RARB: variants seen among roughly 807,000 people sequenced by gnomAD.
The protein encoded by RARB is retinoic acid receptor beta, also known as HBV-activated protein.
RARB carries 17 observed loss-of-function variants against 51.9 expected under a neutral mutation model. The observed-to-expected ratio is 0.33, with a 90% CI of 0.22 to 0.49. RARB has a LOEUF of 0.49. Ranked by LOEUF, RARB falls within the 20% of genes least tolerant of loss-of-function variation. RARB has a pLI of 0.99. For synonymous variants in RARB, 215 were observed against 195.4 expected (o/e 1.10, Z -0.84); for missense variants, 369 against 550.8 (o/e 0.67, Z 3.30).
chr3:24,930,476 C>T (rs958579166), intron 2 of RARB, among the ~76,000 whole-genome samples: 1 of 152,088 alleles, frequency 6.6e-6, no homozygotes, highest in African/African-American at 2.4e-5. Flanking sequence ...GAAAGCCATT[C>T]AATAGGGCTT....
chr3:25,239,727 A>T (rs190572794), intron 5 of RARB, among the ~76,000 whole-genome samples: 6 of 152,200 alleles, frequency 3.9e-5, no homozygotes, highest in African/African-American at 1.4e-4. Context: ...TTCGAAATCT[A>T]ATAGTGTGAT....
intron 2 of RARB, among the ~76,000 whole-genome samples, chr3:25,031,708 G>A (rs967633474): frequency 6.6e-6 from 1 of 152,136 alleles, no homozygotes; most frequent in Non-Finnish European, 1.5e-5. Flanking sequence ...GGAGTTGCAT[G>A]TTTCTATTAG....
intron 2 of RARB, among the ~76,000 whole-genome samples, chr3:24,943,242 C>T (rs888290484): frequency 2.0e-5 from 3 of 152,170 alleles, no homozygotes; most frequent in Admixed American, 1.3e-4. Flanking sequence ...ATAAAACAAA[C>T]TTCTATTTCC....
intron 2 of RARB, among the ~76,000 whole-genome samples, chr3:24,867,029 T>C (rs1191151475): frequency 1.3e-5 from 2 of 152,088 alleles, no homozygotes; most frequent in African/African-American, 4.8e-5. Context: ...TCATCAGATA[T>C]GCAAAAAACG....
chr3:25,418,267 G>A lies in RARB; in HGVS notation c.179-42926G>A, dbSNP rs138356407. 1.9e-3 allele frequency among the ~76,000 whole-genome samples: 291 copies of A among 152,264 alleles called. 2 individuals carry two copies. In the Middle Eastern group the frequency reaches 0.024, roughly 12 times the overall value. On this transcript the variant is annotated intron_variant, in intron 5 of 11. Coordinates refer to the RARB transcript ENST00000383772. ...GAATTAAGTTTGCCACAGAGTAGTAGAAAGAGGTAAAAATATAATTTTTTT... is the reference window on the plus strand; with the variant it reads ...GAATTAAGTTTGCCACAGAGTAGTAAAAAGAGGTAAAAATATAATTTTTTT...
chr3:24,991,747 G>GC (rs1337038889), intron 2 of RARB, among the ~76,000 whole-genome samples: 1 of 151,044 alleles, frequency 6.6e-6, no homozygotes, highest in African/African-American at 2.4e-5. Flanking sequence ...CATCTGCTGA[G>GC]CCATATGGAG....
In RARB at chr3:24,841,676, C is replaced by G. The variant is rs889782498; in HGVS notation, c.-459+12273C>G. ...TCCTAATAGTCTTTTAAAAATGTCT[C>G]TAATGTAATAACAAATAACAACTAA... is the stretch of plus-strand genomic sequence containing the variant. On this transcript the variant is annotated intron_variant, in intron 1 of 11. Coordinates refer to the RARB transcript ENST00000383772. Among the ~76,000 whole-genome samples, 5 of 152,226 alleles carry G rather than the reference C, an allele frequency of 3.3e-5. 1 individual carries two copies.
chr3:25,272,892 T>C (rs947615036), intron 5 of RARB, among the ~76,000 whole-genome samples: 2 of 152,224 alleles, frequency 1.3e-5, no homozygotes, highest in Non-Finnish European at 2.9e-5. Context: ...CCTGTTAAAC[T>C]ACAGGGCTGC....
intron 4 of RARB, among the ~76,000 whole-genome samples, chr3:25,141,819 T>TA (rs1158114313): frequency 8.5e-5 from 13 of 152,338 alleles, no homozygotes; most frequent in African/African-American, 2.9e-4. Context: ...ACTTTTATAA[T>TA]ATATGAAGTA....
At chr3:25,350,171 C>T (rs1705518583) in intron 5 of RARB, among the ~76,000 whole-genome samples, 1 of 152,136 alleles carries the variant, frequency 6.6e-6, no homozygotes, top group South Asian at 2.1e-4. Context: ...TAAAATGAGT[C>T]ACAAAGCCAG....
chr3:25,218,120 C>G (rs1559510054), intron 5 of RARB, among the ~76,000 whole-genome samples: 2 of 152,208 alleles, frequency 1.3e-5, no homozygotes, highest in Admixed American at 6.5e-5. Flanking sequence ...TATTATAATA[C>G]AAACCAGCTC....
At chr3:24,862,826 G>T (rs1246699148) in intron 2 of RARB, among the ~76,000 whole-genome samples, 1 of 152,156 alleles carries the variant, frequency 6.6e-6, no homozygotes, top group African/African-American at 2.4e-5. Context: ...GCAGCCTAGA[G>T]TTACAAACTA....
intron 5 of RARB, among the ~76,000 whole-genome samples, chr3:25,289,058 G>A (rs1216069310): frequency 6.6e-6 from 1 of 152,146 alleles, no homozygotes; most frequent in Non-Finnish European, 1.5e-5. Flanking sequence ...AATGTCAAAG[G>A]GCATGCAGTT....
chr3:25,472,292 T>C (rs900263924), intron 2 of RARB, among the ~76,000 whole-genome samples: 1 of 152,134 alleles, frequency 6.6e-6, no homozygotes. Flanking sequence ...TTCTAGCTAC[T>C]GGAATGAAAA....
At chr3:24,961,868 T>A (rs1452869757) in intron 2 of RARB, among the ~76,000 whole-genome samples, 1 of 150,762 alleles carries the variant, frequency 6.6e-6, no homozygotes, top group African/African-American at 2.4e-5. Context: ...TTCTTATAAG[T>A]GCGTACGTGA....
Position 24,995,713 on chromosome 3 carries a change from A to G in RARB, c.-379-64412A>G, listed in dbSNP as rs543096427. Among the ~76,000 whole-genome samples the G allele has an allele frequency of 1.6e-4, 25 of 152,212 alleles. No homozygotes were observed. In the South Asian group the frequency reaches 1.9e-3, roughly 11 times the overall value. On this transcript the variant is annotated intron_variant, in intron 2 of 11. Coordinates refer to the RARB transcript ENST00000383772. ...ATTCTATCAAACTTTTTCTACATCTATTGAGATGATCGTATGGTTTTTGTA... is the reference window on the plus strand; with the variant it reads ...ATTCTATCAAACTTTTTCTACATCTGTTGAGATGATCGTATGGTTTTTGTA...
chr3:25,269,746 T>C (rs1217004863), intron 5 of RARB, among the ~76,000 whole-genome samples: 3 of 152,204 alleles, frequency 2.0e-5, no homozygotes, highest in African/African-American at 7.2e-5. Context: ...TAAAACATCT[T>C]TTTTAACAAA....
At chr3:25,094,994 G>A (rs922004351) in intron 3 of RARB, among the ~76,000 whole-genome samples, 2 of 152,086 alleles carry the variant, frequency 1.3e-5, no homozygotes, top group African/African-American at 4.8e-5. Context: ...TGAGAAAAAA[G>A]ACTGAAGAAA....
chr3:25,095,279 C>A (rs1699273819), intron 3 of RARB, among the ~76,000 whole-genome samples: 1 of 152,156 alleles, frequency 6.6e-6, no homozygotes, highest in Non-Finnish European at 1.5e-5. Context: ...GGAACCACTG[C>A]CATCTCTTTC....
Sources: allele counts gnomAD v4.1 joint callset (sites outside exome capture counted in the v4.1 genomes callset), GRCh38; gene constraint gnomAD v4.1.1; transcripts MANE v1.5; gene names NCBI Gene and HGNC (gene_info 2026-07-23, HGNC 2026-07-21).